Variants in SYT2 observed in about 807,000 individuals in gnomAD.
SYT2 encodes the protein synaptotagmin-2.
SYT2 carries 15 observed loss-of-function variants against 39.9 expected under a neutral mutation model. That is an observed-to-expected ratio of 0.38 (90% CI 0.25 to 0.58). SYT2 has a LOEUF of 0.58. Among genes scored for constraint, SYT2 ranks in the 20% least tolerant of loss-of-function variants. The probability of loss-of-function intolerance (pLI) is 0.70; values close to 1 mark genes in which losing one functional copy is unlikely to be tolerated. For synonymous variants in SYT2, 181 were observed against 204.5 expected (o/e 0.89, Z 0.98); for missense variants, 389 against 530.3 (o/e 0.73, Z 2.62).
rs1691494151 is a variant in SYT2, at chr1:202,628,976, G to T, written c.-17-23187C>A. Among the ~76,000 whole-genome samples the T allele has an allele frequency of 6.6e-6, 1 of 152,190 alleles. No individual in the cohort carries two copies. Among genetic ancestry groups the T allele is most frequent in the Admixed American group, 6.5e-5 (1 of 15,284 alleles). On this transcript the variant is annotated intron_variant, in intron 1 of 8. Transcript: ENST00000367268. This position sits in a 1 kb window ranked among gnomAD's most constrained non-coding sequence, Gnocchi z 4.2. ...GAATGATAATGGAAGCTGCTGCGCA[G>T]GGCTGCGAGGCTTAGGAGCACTGTA...
At chr1:202,691,684 G>A (rs1476969921) in intron 1 of SYT2, among the ~76,000 whole-genome samples, 2 of 49,818 alleles carry the variant, frequency 4.0e-5, no homozygotes, top group South Asian at 8.6e-4. Context: ...AGGGAGCGAG[G>A]GGGAGAGGGA....
chr1:202,691,719 GAGGGAGA>G (rs1196243760), intron 1 of SYT2, among the ~76,000 whole-genome samples: 3 of 43,276 alleles, frequency 6.9e-5, no homozygotes, highest in Non-Finnish European at 1.2e-4. Context: ...GGGAGAGGGA[GAGGGAGA>G]GGGGGGGAGA....
At chr1:202,663,243 C>A (rs763405837) in intron 1 of SYT2, among the ~76,000 whole-genome samples, 3 of 152,156 alleles carry the variant, frequency 2.0e-5, no homozygotes, top group South Asian at 2.1e-4. Flanking sequence ...CCAAGGGATG[C>A]GGAGGTCATT....
At chr1:202,639,818 C>A in intron 1 of SYT2, 1 of 985,448 alleles carries the variant, frequency 1.0e-6, no homozygotes, top group Non-Finnish European at 1.2e-6. Context: ...GAGGAGGACA[C>A]AGGACGTTGG....
chr1:202,626,598 C>T (rs1691423718), intron 1 of SYT2, among the ~76,000 whole-genome samples: 1 of 151,750 alleles, frequency 6.6e-6, no homozygotes, highest in Non-Finnish European at 1.5e-5. Context: ...AACTCCTGGG[C>T]TCAAGCAATT....
At chr1:202,642,406 C>A (rs915648782) in intron 1 of SYT2, among the ~76,000 whole-genome samples, 18 of 152,034 alleles carry the variant, frequency 1.2e-4, no homozygotes, top group Non-Finnish European at 2.2e-4. Flanking sequence ...ACCATGCGCT[C>A]CATCATCCTG....
At chr1:202,643,663 C>T (rs867573103) in intron 1 of SYT2, among the ~76,000 whole-genome samples, 3 of 152,350 alleles carry the variant, frequency 2.0e-5, no homozygotes, top group African/African-American at 7.2e-5. Context: ...TTCTCCAGTC[C>T]GGACTGCCAG....
At chr1:202,666,458 T>C (rs1692483461) in intron 1 of SYT2, among the ~76,000 whole-genome samples, 1 of 152,104 alleles carries the variant, frequency 6.6e-6, no homozygotes, top group African/African-American at 2.4e-5. Context: ...GGCCCACACA[T>C]AATGTACAGA....
intron 1 of SYT2, among the ~76,000 whole-genome samples, chr1:202,649,625 G>A (rs1483556666): frequency 5.3e-5 from 8 of 152,172 alleles, no homozygotes; most frequent in South Asian, 2.1e-4. Context: ...TCCTGAGGCC[G>A]CACTCCAAAC....
intron 1 of SYT2, among the ~76,000 whole-genome samples, chr1:202,691,713 GAGGGAGAGGGAGAGGGGGGGAGA>G (rs1558463271): frequency 1.0e-4 from 6 of 59,168 alleles, no homozygotes; most frequent in East Asian, 1.1e-3. Context: ...GGGAGAGGGA[GAGGGAGAGGGAGAGGGGGGGAGA>G]GAGAGAGAGA....
chr1:202,669,256 A>T (rs1692537308), intron 1 of SYT2, among the ~76,000 whole-genome samples: 1 of 152,208 alleles, frequency 6.6e-6, no homozygotes, highest in Non-Finnish European at 1.5e-5. Context: ...ATGATGGCTC[A>T]CACCTGTAAT....
At chr1:202,610,985 T>C (rs1264196412) in intron 1 of SYT2, among the ~76,000 whole-genome samples, 1 of 152,126 alleles carries the variant, frequency 6.6e-6, no homozygotes, top group Non-Finnish European at 1.5e-5. Context: ...TTAAAGTTCA[T>C]ATGGAACCAA....
At chr1:202,605,975 A>G (rs534840239) in intron 1 of SYT2, among the ~76,000 whole-genome samples, 186 bp from the exon 2 acceptor site, 11 of 152,218 alleles carry the variant, frequency 7.2e-5, no homozygotes, top group Non-Finnish European at 1.5e-4. Flanking sequence ...TGAGCAGCAT[A>G]GCAAGACCCT....
At chr1:202,602,118 A>G (rs1471181201) in intron 5 of SYT2, 61 bp from the exon 6 acceptor site, 4 of 1,492,150 alleles carry the variant, frequency 2.7e-6, no homozygotes, top group Non-Finnish European at 3.6e-6. Flanking sequence ...CAGGGGTGCT[A>G]TGGGCAGGGG....
intron 1 of SYT2, among the ~76,000 whole-genome samples, chr1:202,621,280 G>A (rs752436246): frequency 3.3e-4 from 50 of 152,066 alleles, no homozygotes; most frequent in Non-Finnish European, 6.6e-4. Context: ...AAATGAGGGG[G>A]GTTTGTGTGT....
chr1:202,627,563 C>T, intron 1 of SYT2: 1 of 985,280 alleles, frequency 1.0e-6, no homozygotes, highest in African/African-American at 1.7e-5. Context: ...TAGGCAGGCC[C>T]ATGGCTCCCC....
At chr1:202,617,434 A>G (rs1572627840) in intron 1 of SYT2, among the ~76,000 whole-genome samples, 1 of 147,980 alleles carries the variant, frequency 6.8e-6, no homozygotes, top group African/African-American at 2.5e-5. Flanking sequence ...CTCCCTCTTC[A>G]CCTCCCCCCA....
At chr1:202,637,245 G>C (rs1358747419) in intron 1 of SYT2, among the ~76,000 whole-genome samples, 1 of 152,044 alleles carries the variant, frequency 6.6e-6, no homozygotes, top group African/African-American at 2.4e-5. Context: ...CAGCTATGTG[G>C]GATGCTGAGG....
At chr1:202,638,999 T>C (rs1229889633) in intron 1 of SYT2, among the ~76,000 whole-genome samples, 1 of 152,214 alleles carries the variant, frequency 6.6e-6, no homozygotes, top group Non-Finnish European at 1.5e-5. Context: ...TTCTGTCTTT[T>C]GGTCTGTTGT....
Sources: allele counts gnomAD v4.1 joint callset (sites outside exome capture counted in the v4.1 genomes callset), GRCh38; gene constraint gnomAD v4.1.1; non-coding constraint Gnocchi (gnomAD v3.1); transcripts MANE v1.5; gene names NCBI Gene and HGNC (gene_info 2026-07-23, HGNC 2026-07-21).